Variants in KCNH8 observed in about 807,000 individuals in gnomAD.
The protein encoded by KCNH8 is voltage-gated delayed rectifier potassium channel KCNH8.
Under a neutral mutation model 103.6 loss-of-function variants are expected in KCNH8, and 70 were observed. The observed-to-expected ratio is 0.68, with a 90% CI of 0.56 to 0.82. The LOEUF (loss-of-function observed/expected upper bound fraction) is 0.82. Among genes scored for constraint, KCNH8 ranks in the 40% least tolerant of loss-of-function variants. The pLI is 0.00. For synonymous variants in KCNH8, 498 were observed against 489.4 expected, an observed-to-expected ratio of 1.02 and a Z score of -0.23; for missense variants, 1,217 against 1,329.9, an observed-to-expected ratio of 0.92 and a Z score of 1.32.
intron 1 of KCNH8, among the ~76,000 whole-genome samples, chr3:19,207,468 A>C (rs2063728907): frequency 6.6e-6 from 1 of 151,994 alleles, no homozygotes; most frequent in South Asian, 2.1e-4. Flanking sequence ...CTTTTAAGAA[A>C]ATAAAGTGGA....
intron 1 of KCNH8, among the ~76,000 whole-genome samples, chr3:19,234,622 C>T (rs1217710633): frequency 2.0e-5 from 3 of 152,232 alleles, no homozygotes; most frequent in African/African-American, 7.2e-5. Flanking sequence ...CGCGCTTCTC[C>T]GAGCTCCACA....
chr3:19,445,475 CTGTA>C (rs1279780194), intron 8 of KCNH8, among the ~76,000 whole-genome samples: 1 of 151,584 alleles, frequency 6.6e-6, no homozygotes, highest in Non-Finnish European at 1.5e-5. Context: ...GTAACTTGTT[CTGTA>C]TGTATCTTTG....
chr3:19,424,171 C>A (rs2066991818), intron 7 of KCNH8, among the ~76,000 whole-genome samples: 1 of 152,000 alleles, frequency 6.6e-6, no homozygotes, highest in Non-Finnish European at 1.5e-5. Flanking sequence ...GCAAAAAGAA[C>A]AAATCTGAAG....
At chr3:19,513,924 C>A (rs2068829814) in intron 13 of KCNH8, among the ~76,000 whole-genome samples, 1 of 151,072 alleles carries the variant, frequency 6.6e-6, no homozygotes, top group Non-Finnish European at 1.5e-5. Context: ...CAGGGGTAGG[C>A]CATGGTGTAG....
intron 7 of KCNH8, among the ~76,000 whole-genome samples, chr3:19,400,919 C>T (rs768878054): frequency 1.3e-5 from 2 of 151,846 alleles, no homozygotes; most frequent in Non-Finnish European, 2.9e-5. Context: ...TCAGGGTTTA[C>T]ATAAAGAATT....
chr3:19,167,390 T>A (rs2063296266), intron 1 of KCNH8, among the ~76,000 whole-genome samples: 1 of 152,230 alleles, frequency 6.6e-6, no homozygotes, highest in Admixed American at 6.5e-5. Flanking sequence ...ATTTGTAAGA[T>A]TTCCCCCATT....
chr3:19,363,731 A>G (rs1348581923), intron 5 of KCNH8, among the ~76,000 whole-genome samples: 1 of 152,054 alleles, frequency 6.6e-6, no homozygotes, highest in African/African-American at 2.4e-5. Flanking sequence ...GGATTCTTGG[A>G]TGTCTTTTTC....
intron 5 of KCNH8, among the ~76,000 whole-genome samples, chr3:19,366,060 T>C (rs892970025): frequency 6.6e-6 from 1 of 152,062 alleles, no homozygotes; most frequent in African/African-American, 2.4e-5. Context: ...TACATTATCC[T>C]TCGAGCATTT....
At chr3:19,388,003 C>T (rs1298663859) in intron 5 of KCNH8, among the ~76,000 whole-genome samples, 6 of 151,860 alleles carry the variant, frequency 4.0e-5, no homozygotes, top group Admixed American at 1.3e-4. Context: ...AACCACACAG[C>T]TTTAAAAATG....
chr3:19,263,710 G>A (rs1446157137), intron 2 of KCNH8, among the ~76,000 whole-genome samples: 1 of 152,010 alleles, frequency 6.6e-6, no homozygotes, highest in Non-Finnish European at 1.5e-5. Context: ...TATTTAGTGG[G>A]GCAGCCACAA....
intron 3 of KCNH8, among the ~76,000 whole-genome samples, chr3:19,320,223 C>A (rs1306517719): frequency 6.6e-6 from 1 of 151,956 alleles, no homozygotes; most frequent in African/African-American, 2.4e-5. Context: ...AAGTGGGCAT[C>A]CCTGTCTTGA....
At chr3:19,293,069 T>A (rs1047387387) in intron 3 of KCNH8, among the ~76,000 whole-genome samples, 8 of 152,164 alleles carry the variant, frequency 5.3e-5, no homozygotes, top group Non-Finnish European at 1.5e-5. Flanking sequence ...ATCTAGAGTG[T>A]GTGTCAAGGT....
intron 11 of KCNH8, among the ~76,000 whole-genome samples, chr3:19,458,768 C>T (rs972855862): frequency 6.6e-6 from 1 of 151,944 alleles, no homozygotes; most frequent in African/African-American, 2.4e-5. Context: ...GCAGCCCCAG[C>T]TCATGGTAAC....
At chr3:19,506,044 C>T (rs2068686435) in intron 11 of KCNH8, among the ~76,000 whole-genome samples, 1 of 152,158 alleles carries the variant, frequency 6.6e-6, no homozygotes, top group Non-Finnish European at 1.5e-5. Flanking sequence ...TTTCATCCAT[C>T]AGCTCCTGAA....
intron 11 of KCNH8, among the ~76,000 whole-genome samples, chr3:19,475,381 A>G (rs2067952117): frequency 6.6e-6 from 1 of 152,120 alleles, no homozygotes; most frequent in African/African-American, 2.4e-5. Flanking sequence ...TTACAAAGAG[A>G]AGCTCCTCAT....
intron 1 of KCNH8, among the ~76,000 whole-genome samples, chr3:19,212,858 C>G (rs150248590): frequency 8.2e-4 from 125 of 152,220 alleles, no homozygotes; most frequent in African/African-American, 2.8e-3. Context: ...GGTTAAGTAG[C>G]ACAAAAATGG....
chr3:19,317,553 G>A (rs541718677), intron 3 of KCNH8, among the ~76,000 whole-genome samples: 6 of 151,860 alleles, frequency 4.0e-5, no homozygotes, highest in Admixed American at 2.0e-4. Flanking sequence ...TTTAAAATGG[G>A]CCAGTGTCTA....
intron 11 of KCNH8, among the ~76,000 whole-genome samples, chr3:19,477,174 A>G (rs1340009418): frequency 6.6e-6 from 1 of 152,144 alleles, no homozygotes; most frequent in Non-Finnish European, 1.5e-5. Flanking sequence ...TTATTAAGAC[A>G]TTGTACATAT....
chr3:19,444,430 A>G (rs1199639179), intron 8 of KCNH8, among the ~76,000 whole-genome samples: 1 of 152,012 alleles, frequency 6.6e-6, no homozygotes, highest in Non-Finnish European at 1.5e-5. Flanking sequence ...AATATTTTTT[A>G]TGACGTCTGA....
Sources: allele counts gnomAD v4.1 joint callset (sites outside exome capture counted in the v4.1 genomes callset), GRCh38; gene constraint gnomAD v4.1.1; transcripts MANE v1.5; gene names NCBI Gene and HGNC (gene_info 2026-07-23, HGNC 2026-07-21).